Variants in KIAA1217 observed in about 807,000 individuals in gnomAD.
KIAA1217 encodes KIAA1217.
In KIAA1217, 88 loss-of-function variants were observed where a neutral mutation model predicts 163.9. The ratio of observed to expected loss-of-function variants is 0.54; its 90% CI spans 0.45 to 0.64. The LOEUF (loss-of-function observed/expected upper bound fraction) is 0.64. KIAA1217 is among the 30% of genes least tolerant of loss of function. The probability of loss-of-function intolerance (pLI) is 0.00; values close to 1 mark genes in which losing one functional copy is unlikely to be tolerated. For missense variants in KIAA1217, 2,372 were observed against 2,475.0 expected, an observed-to-expected ratio of 0.96 and a Z score of 0.88; for synonymous variants, 903 against 923.1, an observed-to-expected ratio of 0.98 and a Z score of 0.39.
chr10:24,489,537 T>C (rs2065833543), intron 6 of KIAA1217, among the ~76,000 whole-genome samples: 1 of 147,634 alleles, frequency 6.8e-6, no homozygotes, highest in Admixed American at 6.7e-5. Flanking sequence ...AAGTCTCTAG[T>C]CAAAAAAAAA....
chr10:24,537,309 C>T (rs1033168649), intron 17 of KIAA1217, among the ~76,000 whole-genome samples: 6 of 152,156 alleles, frequency 3.9e-5, no homozygotes, highest in African/African-American at 1.4e-4. Flanking sequence ...GGTGCAGTGG[C>T]TCACGCTTGT....
At chr10:24,178,757 T>C (rs138109636) in intron 2 of KIAA1217, among the ~76,000 whole-genome samples, 65 of 152,358 alleles carry the variant, frequency 4.3e-4, no homozygotes, top group African/African-American at 1.6e-3. Flanking sequence ...ATGACATACA[T>C]TTCACCTTTT....
chr10:23,926,692 T>C (rs890870072), intron 1 of KIAA1217, among the ~76,000 whole-genome samples: 1 of 151,598 alleles, frequency 6.6e-6, no homozygotes, highest in East Asian at 1.9e-4. Flanking sequence ...GCCATTGCAC[T>C]CCAGCCTGGG....
chr10:23,763,527 G>A (rs1834366947), intron 1 of KIAA1217, among the ~76,000 whole-genome samples: 1 of 152,028 alleles, frequency 6.6e-6, no homozygotes, highest in Non-Finnish European at 1.5e-5. Context: ...AAATGGTGCT[G>A]AGAAAACTAG....
chr10:23,969,170 G>A (rs1273752753), intron 1 of KIAA1217, among the ~76,000 whole-genome samples: 5 of 152,148 alleles, frequency 3.3e-5, no homozygotes, highest in African/African-American at 1.2e-4. Context: ...AAGTAGCTGG[G>A]ATTACAGGCA....
At chr10:24,027,205 T>C (rs4354609) in intron 2 of KIAA1217, among the ~76,000 whole-genome samples, 99,371 of 151,860 alleles carry the variant, frequency 0.65, 32,862 homozygotes, top group Middle Eastern at 0.77. Context: ...TCTGTTTCCT[T>C]AACTCAGGGA....
At chr10:23,778,104 G>T (rs1464477636) in intron 1 of KIAA1217, among the ~76,000 whole-genome samples, 1 of 151,998 alleles carries the variant, frequency 6.6e-6, no homozygotes, top group Non-Finnish European at 1.5e-5. Context: ...ACCATGTTTG[G>T]CTAATTTTTG....
chr10:23,833,739 A>G (rs1385859874), intron 1 of KIAA1217, among the ~76,000 whole-genome samples: 3 of 151,944 alleles, frequency 2.0e-5, no homozygotes, highest in Non-Finnish European at 2.9e-5. Flanking sequence ...ATTCTTGGAA[A>G]TTCTTACCTA....
In KIAA1217 at chr10:23,987,294, G is replaced by A. The variant is rs192677148; in HGVS notation, c.-320-19931G>A. Among the ~76,000 whole-genome samples the A allele has an allele frequency of 1.4e-3, 201 of 148,252 alleles. 2 individuals carry two copies. The highest frequency in any genetic ancestry group is 7.0e-3 in the Middle Eastern group (2 of 284). On this transcript the variant is annotated intron_variant, in intron 1 of 18. Coordinates refer to the KIAA1217 transcript ENST00000376462. ...CCGGAGGCTGAGGCAGGAGAATGGC[G>A]TGAACCCGGGAGGCGGAGCTTGCAG...
chr10:24,524,012 G>A (rs556226326), intron 12 of KIAA1217, among the ~76,000 whole-genome samples: 3 of 152,250 alleles, frequency 2.0e-5, no homozygotes, highest in South Asian at 4.2e-4. Flanking sequence ...GAGGGAATAA[G>A]CAAACTTTTG....
intron 20 of KIAA1217, 47 bp from the exon 21 acceptor site, chr10:24,545,780 T>G (rs1459449406): frequency 6.5e-7 from 1 of 1,545,626 alleles, no homozygotes; most frequent in Non-Finnish European, 8.7e-7. Flanking sequence ...GGGTTGATCA[T>G]GTGACCGCCT....
chr10:24,043,489 C>T (rs1848764441), intron 2 of KIAA1217, among the ~76,000 whole-genome samples: 1 of 151,936 alleles, frequency 6.6e-6, no homozygotes, highest in African/African-American at 2.4e-5. Context: ...TTTAAGTTTT[C>T]CCTTAGTTTT....
intron 2 of KIAA1217, among the ~76,000 whole-genome samples, chr10:24,263,992 G>C (rs1021551061): frequency 5.9e-5 from 9 of 152,074 alleles, no homozygotes; most frequent in Non-Finnish European, 1.0e-4. Flanking sequence ...CGAGGAGCTG[G>C]GACTACAGGC....
At chr10:24,354,880 AG>A (rs1047791650) in intron 2 of KIAA1217, among the ~76,000 whole-genome samples, 3 of 149,994 alleles carry the variant, frequency 2.0e-5, no homozygotes, top group Admixed American at 2.0e-4. Flanking sequence ...GTTCCCATTT[AG>A]GGCCATGGGT....
chr10:23,818,012 C>CATAT (rs1381043932), intron 1 of KIAA1217, among the ~76,000 whole-genome samples: 2,703 of 114,776 alleles, frequency 0.024, 223 homozygotes, highest in African/African-American at 0.099. Flanking sequence ...TATATATACA[C>CATAT]ACATATATAT....
chr10:23,886,573 G>A (rs1196574965), intron 1 of KIAA1217, among the ~76,000 whole-genome samples: 2 of 151,962 alleles, frequency 1.3e-5, no homozygotes, highest in African/African-American at 4.8e-5. Context: ...CTAGGGCGCA[G>A]CAGAGAGAGA....
intron 2 of KIAA1217, among the ~76,000 whole-genome samples, chr10:24,248,451 A>T (rs1477152219): frequency 6.6e-6 from 1 of 152,052 alleles, no homozygotes; most frequent in African/African-American, 2.4e-5. Flanking sequence ...CAGGTGGATC[A>T]CCTGAGGTCA....
intron 2 of KIAA1217, among the ~76,000 whole-genome samples, chr10:24,320,321 A>G (rs530428989): frequency 3.5e-4 from 54 of 152,264 alleles, no homozygotes; most frequent in Non-Finnish European, 6.0e-4. Context: ...AGAATGGCTA[A>G]TCACAAATAT....
chr10:24,040,594 T>A (rs1438822647), intron 2 of KIAA1217, among the ~76,000 whole-genome samples: 1 of 152,242 alleles, frequency 6.6e-6, no homozygotes, highest in Admixed American at 6.5e-5. Context: ...GTGGATTTTA[T>A]GATACAGCAG....
Sources: allele counts gnomAD v4.1 joint callset (sites outside exome capture counted in the v4.1 genomes callset), GRCh38; gene constraint gnomAD v4.1.1; transcripts MANE v1.5; gene names NCBI Gene and HGNC (gene_info 2026-07-23, HGNC 2026-07-21).